Variants in SMYD3 observed in about 807,000 individuals in gnomAD.
SMYD3 encodes SET and MYND domain containing 3, also known as histone-lysine N-methyltransferase SMYD3.
Under a neutral mutation model 57.7 loss-of-function variants are expected in SMYD3, and 36 were observed. The observed-to-expected ratio is 0.62, with a 90% confidence interval of 0.48 to 0.82. The LOEUF is 0.82. SMYD3 is among the 40% of genes least tolerant of loss of function. The pLI is 0.00. For synonymous variants in SMYD3, 211 were observed against 195.0 expected, an observed-to-expected ratio of 1.08 and a Z score of -0.68; for missense variants, 515 against 538.8, an observed-to-expected ratio of 0.96 and a Z score of 0.44.
intron 5 of SMYD3, among the ~76,000 whole-genome samples, chr1:246,292,126 C>A (rs1354280840): frequency 1.3e-5 from 2 of 150,450 alleles, no homozygotes; most frequent in African/African-American, 4.9e-5. Flanking sequence ...GACTTACTAT[C>A]CAACACACCA....
At chr1:246,432,823 TATC>T (rs2067317782) in intron 1 of SMYD3, among the ~76,000 whole-genome samples, 1 of 152,208 alleles carries the variant, frequency 6.6e-6, no homozygotes. Flanking sequence ...GTGTTTGAAT[TATC>T]ATGATCACTC....
intron 10 of SMYD3, among the ~76,000 whole-genome samples, chr1:245,810,330 GT>G (rs1174982280): frequency 6.6e-6 from 1 of 152,152 alleles, no homozygotes; most frequent in Non-Finnish European, 1.5e-5. Context: ...ATTTGTACTG[GT>G]GATCCCTCCC....
At chr1:245,995,702 G>A (rs2058916306) in intron 5 of SMYD3, among the ~76,000 whole-genome samples, 1 of 152,248 alleles carries the variant, frequency 6.6e-6, no homozygotes, top group African/African-American at 2.4e-5. Flanking sequence ...GGCTGACGGA[G>A]CAGGGGCCTA....
intron 5 of SMYD3, among the ~76,000 whole-genome samples, chr1:246,043,172 T>C (rs1452296862): frequency 1.3e-5 from 2 of 152,230 alleles, no homozygotes; most frequent in African/African-American, 4.8e-5. Flanking sequence ...CTCTGCTTCA[T>C]CTACTACCTT....
intron 6 of SMYD3, among the ~76,000 whole-genome samples, chr1:245,929,045 A>G (rs923268912): frequency 2.0e-5 from 3 of 152,250 alleles, no homozygotes; most frequent in African/African-American, 7.2e-5. Flanking sequence ...CAACAATCTT[A>G]TGAGGATCAT....
chr1:245,839,646 A>T (rs1201998183), intron 10 of SMYD3, among the ~76,000 whole-genome samples: 2 of 119,634 alleles, frequency 1.7e-5, no homozygotes, highest in Non-Finnish European at 3.2e-5. Flanking sequence ...ATGTGACTAC[A>T]GTAAAACCCA....
In SMYD3 at chr1:246,447,638, TC is replaced by T. The variant is rs1411140076; in HGVS notation, c.164+59415del. ...TTCAGTCTTATAGTCTACAGAAGTA[TC>T]CACATAAGGAGAGCTAGCAGGACAC... On this transcript the variant is annotated intron_variant, in intron 1 of 11. Coordinates refer to ENST00000490107, the MANE Select transcript of SMYD3 (RefSeq NM_001167740.2). Among the ~76,000 whole-genome samples, 37 of 152,310 alleles carry T rather than the reference TC, an allele frequency of 2.4e-4. 1 individual carries two copies. Among genetic ancestry groups the T allele is most frequent in the South Asian group, 2.1e-4 (1 of 4,826 alleles).
intron 5 of SMYD3, among the ~76,000 whole-genome samples, chr1:246,152,334 A>G (rs2061953578): frequency 6.6e-6 from 1 of 152,214 alleles, no homozygotes; most frequent in African/African-American, 2.4e-5. Context: ...ATCAGCCACA[A>G]GGACACTCAG....
intron 5 of SMYD3, among the ~76,000 whole-genome samples, chr1:246,153,335 G>A (rs959551303): frequency 6.8e-6 from 1 of 147,248 alleles, no homozygotes; most frequent in Non-Finnish European, 1.5e-5. Context: ...TCATAACCTG[G>A]ACTTCCTTAT....
intron 8 of SMYD3, among the ~76,000 whole-genome samples, chr1:245,882,769 C>T (rs972569818): frequency 5.3e-5 from 8 of 152,044 alleles, no homozygotes; most frequent in East Asian, 1.9e-4. Flanking sequence ...TGACACAAAA[C>T]GTTTAAATTA....
At chr1:245,822,997 ACT>A (rs2049261708) in intron 10 of SMYD3, among the ~76,000 whole-genome samples, 4 of 152,162 alleles carry the variant, frequency 2.6e-5, no homozygotes, top group Admixed American at 2.6e-4. Flanking sequence ...GTGCTCAGAC[ACT>A]GTGCTAGCAA....
chr1:246,407,573 G>T (rs1236002098), intron 1 of SMYD3, among the ~76,000 whole-genome samples: 3 of 152,200 alleles, frequency 2.0e-5, no homozygotes, highest in Non-Finnish European at 4.4e-5. Flanking sequence ...CAGACATGGT[G>T]GCTCGTGCCC....
chr1:246,345,434 C>T (rs1434818286), intron 2 of SMYD3, among the ~76,000 whole-genome samples: 2 of 152,000 alleles, frequency 1.3e-5, no homozygotes, highest in African/African-American at 2.4e-5. Flanking sequence ...ATTTGAAATA[C>T]CTGGGACCAG....
intron 10 of SMYD3, among the ~76,000 whole-genome samples, chr1:245,834,798 C>G (rs1308666108): frequency 6.6e-6 from 1 of 152,092 alleles, no homozygotes; most frequent in Non-Finnish European, 1.5e-5. Flanking sequence ...TTGACAAGGT[C>G]TTTTAGGGTA....
intron 1 of SMYD3, among the ~76,000 whole-genome samples, chr1:246,421,399 T>C (rs2067141186): frequency 6.6e-6 from 1 of 152,264 alleles, no homozygotes; most frequent in Admixed American, 6.5e-5. Context: ...CCACTGTATT[T>C]TGTAAAATAT....
chr1:246,057,489 G>T (rs577435407), intron 5 of SMYD3, among the ~76,000 whole-genome samples: 2 of 152,174 alleles, frequency 1.3e-5, no homozygotes, highest in Non-Finnish European at 2.9e-5. Flanking sequence ...TGGCAAATAC[G>T]CATATGAAAA....
chr1:246,364,682 A>G (rs4654244), intron 1 of SMYD3, among the ~76,000 whole-genome samples: 143,271 of 152,230 alleles, frequency 0.94, 67,457 homozygotes, highest in East Asian at 1. Flanking sequence ...GAGTTATGGG[A>G]CGTAAAACAT....
intron 5 of SMYD3, among the ~76,000 whole-genome samples, chr1:246,127,156 C>T (rs958062695): frequency 3.9e-5 from 6 of 151,968 alleles, no homozygotes; most frequent in Admixed American, 2.0e-4. Flanking sequence ...GAGAGAAATA[C>T]AGATTAATGC....
chr1:246,286,494 G>A (rs1268060702), intron 5 of SMYD3, among the ~76,000 whole-genome samples: 1 of 152,126 alleles, frequency 6.6e-6, no homozygotes, highest in Non-Finnish European at 1.5e-5. Context: ...AAATTCCTGA[G>A]TATAACACAA....
Sources: allele counts gnomAD v4.1 joint callset (sites outside exome capture counted in the v4.1 genomes callset), GRCh38; gene constraint gnomAD v4.1.1; transcripts MANE v1.5; gene names NCBI Gene and HGNC (gene_info 2026-07-23, HGNC 2026-07-21).